The following TAX1BP1 variants were observed in gnomAD, a reference collection of about 807,000 sequenced individuals.
The protein encoded by TAX1BP1 is tax1-binding protein 1.
A neutral mutation model predicts 97.7 loss-of-function variants in TAX1BP1; 62 were observed. That is an observed-to-expected ratio of 0.63 (90% confidence interval 0.52 to 0.78). TAX1BP1 has a LOEUF of 0.78. Among genes scored for constraint, TAX1BP1 ranks in the 30% least tolerant of loss-of-function variants. The pLI is 0.00. For missense variants in TAX1BP1, 867 were observed against 916.1 expected, an observed-to-expected ratio of 0.95 and a Z score of 0.69; for synonymous variants, 340 against 304.2, an observed-to-expected ratio of 1.12 and a Z score of -1.23.
At chr7:27,764,831 A>AT (rs1041950796) in intron 3 of TAX1BP1, among the ~76,000 whole-genome samples, 48 of 149,950 alleles carry the variant, frequency 3.2e-4, no homozygotes, top group African/African-American at 1.1e-3. Context: ...CTAATACCAT[A>AT]TTTTTTTTGT....
intron 5 of TAX1BP1, among the ~76,000 whole-genome samples, chr7:27,780,016 A>G (rs1441459463): frequency 6.6e-6 from 1 of 152,204 alleles, no homozygotes; most frequent in Non-Finnish European, 1.5e-5. Context: ...TTGCAAGAGA[A>G]GCTGGGAATA....
chr7:27,809,512 C>T (rs547873782), intron 13 of TAX1BP1, among the ~76,000 whole-genome samples: 3 of 152,232 alleles, frequency 2.0e-5, no homozygotes, highest in African/African-American at 7.2e-5. Flanking sequence ...AGTTTAAGAA[C>T]CTTCTCTAAG....
intron 5 of TAX1BP1, 37 bp downstream of exon 5, chr7:27,769,871 G>A (rs574316936): frequency 4.4e-6 from 7 of 1,599,410 alleles, no homozygotes; most frequent in East Asian, 2.2e-5. Flanking sequence ...GAAGTTGATA[G>A]TATATTGCCT....
At chr7:27,784,340 T>C (rs1042631198) in intron 5 of TAX1BP1, among the ~76,000 whole-genome samples, 6 of 152,204 alleles carry the variant, frequency 3.9e-5, no homozygotes, top group Non-Finnish European at 8.8e-5. Context: ...ATTTGAGTCT[T>C]ATGAATTGTC....
chr7:27,769,368 C>T (rs1361973217), intron 4 of TAX1BP1, among the ~76,000 whole-genome samples: 7 of 151,852 alleles, frequency 4.6e-5, no homozygotes, highest in Admixed American at 2.6e-4. Flanking sequence ...CTGTAATTAA[C>T]GGGAACATTA....
intron 5 of TAX1BP1, among the ~76,000 whole-genome samples, chr7:27,781,085 A>C (rs1182225290): frequency 6.6e-6 from 1 of 152,196 alleles, no homozygotes; most frequent in Non-Finnish European, 1.5e-5. Flanking sequence ...TCAGGAAATA[A>C]TTTAGACACT....
intron 7 of TAX1BP1, among the ~76,000 whole-genome samples, chr7:27,787,079 A>G (rs1789516147): frequency 1.3e-5 from 2 of 152,204 alleles, no homozygotes; most frequent in African/African-American, 4.8e-5. Context: ...GAATATGCCA[A>G]ATAACATAAT....
intron 4 of TAX1BP1, among the ~76,000 whole-genome samples, chr7:27,766,541 A>G (rs1057411513): frequency 2.7e-5 from 4 of 150,934 alleles, no homozygotes; most frequent in African/African-American, 4.9e-5. Flanking sequence ...TTTGGCCACA[A>G]TTATGCTGTT....
At chr7:27,742,111 G>A (rs1427783976) in intron 1 of TAX1BP1, among the ~76,000 whole-genome samples, 1 of 152,198 alleles carries the variant, frequency 6.6e-6, no homozygotes, top group Non-Finnish European at 1.5e-5. Context: ...TCCATGCCCA[G>A]GGACGGGCAG....
At chr7:27,746,157 T>C (rs1479274162) in intron 1 of TAX1BP1, among the ~76,000 whole-genome samples, 1 of 152,188 alleles carries the variant, frequency 6.6e-6, no homozygotes, top group African/African-American at 2.4e-5. Context: ...AAAAGTATTA[T>C]CCTTAATCAG....
intron 3 of TAX1BP1, among the ~76,000 whole-genome samples, chr7:27,760,134 G>C (rs1406031883): frequency 6.6e-6 from 1 of 151,916 alleles, no homozygotes; most frequent in Non-Finnish European, 1.5e-5. Context: ...GATTACAAGT[G>C]TGAGCCACCA....
At chr7:27,755,854 G>T (rs1209824801) in intron 2 of TAX1BP1, among the ~76,000 whole-genome samples, 1 of 152,156 alleles carries the variant, frequency 6.6e-6, no homozygotes, top group African/African-American at 2.4e-5. Context: ...TATTTTGGCA[G>T]TTTTATATAA....
chr7:27,826,867 C>T (rs753330572), intron 15 of TAX1BP1, among the ~76,000 whole-genome samples: 2 of 152,194 alleles, frequency 1.3e-5, no homozygotes, highest in Non-Finnish European at 2.9e-5. Flanking sequence ...TTTGCTTTAA[C>T]ACGTGTTAAT....
At chr7:27,795,332 G>A (rs1479926529) in intron 11 of TAX1BP1, among the ~76,000 whole-genome samples, 1 of 152,016 alleles carries the variant, frequency 6.6e-6, no homozygotes, top group South Asian at 2.1e-4. Flanking sequence ...TCTTGGTGGG[G>A]TATGGTGGCA....
At chr7:27,740,921 G>A (rs879409652) in intron 1 of TAX1BP1, among the ~76,000 whole-genome samples, 1 of 152,168 alleles carries the variant, frequency 6.6e-6, no homozygotes, top group Non-Finnish European at 1.5e-5. Context: ...GACTAGTCCC[G>A]ACCGACTTGC....
chr7:27,803,600 T>C (rs1790224496), intron 13 of TAX1BP1, among the ~76,000 whole-genome samples: 1 of 152,182 alleles, frequency 6.6e-6, no homozygotes, highest in African/African-American at 2.4e-5. Flanking sequence ...GAAAACTGCT[T>C]GTGTATTATT....
At position 27,829,034 on chromosome 7, in the gene TAX1BP1, T is replaced by A; in HGVS notation, c.*205T>A. 2.2e-6 allele frequency: 1 copy of A among 447,038 alleles called. No individual in the cohort carries two copies. Among genetic ancestry groups the A allele is most frequent in the Non-Finnish European group, 3.9e-6 (1 of 255,508 alleles). The allele number at this position is 447,038 out of a possible 1,614,324, so 27.7% of individuals were successfully genotyped here. A position where few individuals can be genotyped will look rare whatever the true frequency, so the allele number is the denominator to read the frequency against. On this transcript the variant is annotated 3_prime_UTR_variant, in exon 17 of 17. Coordinates refer to ENST00000396319, the MANE Select transcript of TAX1BP1 (RefSeq NM_006024.7). ...CAATAAATTTTAATCTCTGTTAATC[T>A]TACCTGCTTTAAAAAAAAGTTCTTG... is the stretch of plus-strand genomic sequence containing the variant.
At chr7:27,788,186 A>G (rs1011141324) in intron 8 of TAX1BP1, among the ~76,000 whole-genome samples, 6 of 152,098 alleles carry the variant, frequency 3.9e-5, no homozygotes, top group Non-Finnish European at 8.8e-5. Flanking sequence ...GTTTCTCATG[A>G]CTAGATTCAG....
intron 1 of TAX1BP1, among the ~76,000 whole-genome samples, chr7:27,740,969 T>TGCGCGC (rs138754469): frequency 2.0e-5 from 3 of 151,728 alleles, no homozygotes; most frequent in African/African-American, 7.3e-5. Flanking sequence ...GAGTTTAGCG[T>TGCGCGC]GCGCGCGCGC....
Sources: gnomAD v4.1 joint callset for allele counts (sites outside exome capture counted in the v4.1 genomes callset) on GRCh38, gnomAD v4.1.1 for gene constraint, MANE v1.5 for transcripts, NCBI Gene and HGNC (gene_info 2026-07-23, HGNC 2026-07-21) for gene names.